NFATC1: variants seen among roughly 807,000 people sequenced by gnomAD.
NFATC1 encodes nuclear factor of activated T cells 1.
Under a neutral mutation model 76.0 loss-of-function variants are expected in NFATC1, and 22 were observed. That is an observed-to-expected ratio of 0.29 (90% CI 0.21 to 0.41). NFATC1 has a LOEUF of 0.41. Ranked by LOEUF, NFATC1 falls within the 10% of genes least tolerant of loss-of-function variation. The pLI, the probability that NFATC1 is intolerant of heterozygous loss-of-function variation, is 1.00. For synonymous variants in NFATC1, 704 were observed against 613.1 expected (o/e 1.15, Z -2.19); for missense variants, 1,357 against 1,337.7 (o/e 1.01, Z -0.23).
chr18:79,495,385 T>C (rs979121542), intron 9 of NFATC1, among the ~76,000 whole-genome samples: 4 of 152,256 alleles, frequency 2.6e-5, no homozygotes, highest in Admixed American at 1.3e-4. Flanking sequence ...GAAATATCAG[T>C]CTACAGTCCA....
At chr18:79,426,593 AG>A (rs1260337027) in intron 2 of NFATC1, among the ~76,000 whole-genome samples, 8 of 138,750 alleles carry the variant, frequency 5.8e-5, no homozygotes, top group Admixed American at 5.6e-4. Context: ...CCTCCATGGG[AG>A]CACCGTCCCC....
chr18:79,465,230 G>A lies in NFATC1; in HGVS notation c.1960-2220G>A, dbSNP rs2088415125. 6.6e-6 allele frequency among the ~76,000 whole-genome samples: 1 copy of A among 152,106 alleles called. No individual in the cohort carries two copies. The highest frequency in any genetic ancestry group is 1.5e-5 in the Non-Finnish European group (1 of 68,018). On this transcript the variant is annotated intron_variant, in intron 7 of 9. Coordinates refer to ENST00000427363, the MANE Select transcript of NFATC1 (RefSeq NM_001278669.2). The surrounding 1 kb of genome is among the most constrained non-coding windows in gnomAD (Gnocchi z 4.2). ...TCCTTCTGTGTGTATTTAAGTGGCA[G>A]TGCTCCCACGGAGATAGTATTTTTG... is the stretch of plus-strand genomic sequence containing the variant.
intron 9 of NFATC1, among the ~76,000 whole-genome samples, chr18:79,492,781 G>A (rs2089722396): frequency 6.6e-6 from 1 of 150,874 alleles, no homozygotes; most frequent in Non-Finnish European, 1.5e-5. Flanking sequence ...GGCTGAGGCA[G>A]GAGAATCACT....
chr18:79,457,401 G>C (rs557447832), intron 6 of NFATC1, among the ~76,000 whole-genome samples: 6 of 152,180 alleles, frequency 3.9e-5, no homozygotes, highest in Non-Finnish European at 7.3e-5. Flanking sequence ...CCTGGGCCCC[G>C]CTGGTGTGGG....
At chr18:79,502,136 T>A (rs1214126574) in intron 9 of NFATC1, among the ~76,000 whole-genome samples, 1 of 152,214 alleles carries the variant, frequency 6.6e-6, no homozygotes, top group Non-Finnish European at 1.5e-5. Flanking sequence ...ATCAAGACAG[T>A]GTGGTATTGG....
intron 9 of NFATC1, 138 bp downstream of exon 9, chr18:79,487,075 C>T (rs2089525990): frequency 2.9e-6 from 3 of 1,040,322 alleles, no homozygotes; most frequent in South Asian, 1.7e-5. Context: ...GGTGCGTCCT[C>T]CTGATATAAA....
At chr18:79,404,385 G>C (rs8091347) in intron 1 of NFATC1, among the ~76,000 whole-genome samples, 60,652 of 152,180 alleles carry the variant, frequency 0.4, 14,903 homozygotes, top group East Asian at 0.65. Flanking sequence ...GTCATGCCGC[G>C]GGCCTGACCA....
chr18:79,405,242 C>G (rs555768851), intron 1 of NFATC1, among the ~76,000 whole-genome samples: 40 of 152,328 alleles, frequency 2.6e-4, no homozygotes, highest in African/African-American at 8.4e-4. Context: ...TGAATGTGCT[C>G]TCCGCGATCA....
chr18:79,466,796 C>A (rs1351520211), intron 7 of NFATC1, among the ~76,000 whole-genome samples: 1 of 152,190 alleles, frequency 6.6e-6, no homozygotes, highest in African/African-American at 2.4e-5. Flanking sequence ...CACAGGCCCT[C>A]CCCAGAGACC....
chr18:79,430,469 G>A lies in NFATC1; in HGVS notation c.1227-3110G>A, dbSNP rs1256102778. On this transcript the variant is annotated intron_variant, in intron 2 of 9. Coordinates refer to ENST00000427363, the MANE Select transcript of NFATC1 (RefSeq NM_001278669.2). The stretch of plus-strand genomic sequence containing the variant: ...GCAATTTCGGCTCACTGCAGCCTCC[G>A]CCTCCCAGGTTCAAGCAATTCTCCT... 6.6e-5 allele frequency among the ~76,000 whole-genome samples: 10 copies of A among 152,124 alleles called. No individual in the cohort carries two copies. The East Asian group carries it at 9.6e-4, about 15-fold the overall frequency.
intron 8 of NFATC1, among the ~76,000 whole-genome samples, chr18:79,476,208 G>T (rs868017014): frequency 6.6e-6 from 1 of 152,220 alleles, no homozygotes; most frequent in African/African-American, 2.4e-5. Flanking sequence ...CGCCAGCCGC[G>T]CGCCTGGGAG....
intron 2 of NFATC1, among the ~76,000 whole-genome samples, chr18:79,430,103 G>A (rs1471654356): frequency 1.3e-5 from 2 of 152,216 alleles, no homozygotes; most frequent in African/African-American, 4.8e-5. Flanking sequence ...TTCCCACGAC[G>A]ACAAAATGGC....
rs1202486687 is a variant in NFATC1, at chr18:79,396,431, G to T, written c.127+80G>T. 73 of 967,534 alleles carry T rather than the reference G, an allele frequency of 7.5e-5. No individual in the cohort carries two copies. In the Middle Eastern group the frequency reaches 1.7e-3, roughly 23 times the overall value. 59.9% of individuals were successfully genotyped at this position (967,534 alleles called of 1,614,324 possible). On this transcript the variant is annotated intron_variant, in intron 1 of 9. Coordinates refer to ENST00000427363, the MANE Select transcript of NFATC1 (RefSeq NM_001278669.2). ...CGCGCCCCCCGACCCCGCCCCCGTC[G>T]CCCGCACGGAGGGGTCCGGGCCAGA...
intron 1 of NFATC1, chr18:79,400,428 T>C: frequency 8.0e-6 from 12 of 1,494,718 alleles, no homozygotes; most frequent in Non-Finnish European, 1.1e-5. Flanking sequence ...CGACTTCGAG[T>C]TCCTCTTCGA....
rs890424362 is a variant in NFATC1, at chr18:79,398,472, G to A, written c.127+2121G>A. On this transcript the variant is annotated intron_variant, in intron 1 of 9. Transcript: ENST00000427363. ...TGGAGACACCCAGTGTCTGTGGAACGGGCAGCTTTGAATCTGGACCAATAG... is the reference window on the plus strand; with the variant it reads ...TGGAGACACCCAGTGTCTGTGGAACAGGCAGCTTTGAATCTGGACCAATAG... Among the ~76,000 whole-genome samples the A allele has an allele frequency of 1.1e-4, 17 of 152,372 alleles. No homozygotes were observed. In the East Asian group the frequency reaches 3.1e-3, roughly 28 times the overall value.
intron 2 of NFATC1, among the ~76,000 whole-genome samples, chr18:79,427,385 C>T (rs1286720056): frequency 1.2e-5 from 1 of 85,896 alleles, no homozygotes; most frequent in African/African-American, 8.0e-5. Flanking sequence ...GGCCTCTGTG[C>T]AGTGGGTTGG....
Position 79,480,717 on chromosome 18 carries a change from C to T in NFATC1, c.2093-5531C>T, listed in dbSNP as rs537375116. On this transcript the variant is annotated intron_variant, in intron 8 of 9. Transcript: ENST00000427363. ...AGCCCCAGCGGCTCTCGGGCATAGC[C>T]GGCCTTGGCCCGTGGGGCGGCTGAT... Among the ~76,000 whole-genome samples, 62 of 152,330 alleles carry T rather than the reference C, an allele frequency of 4.1e-4. No homozygotes were observed. In the East Asian group the frequency reaches 9.7e-3, roughly 24 times the overall value.
intron 9 of NFATC1, chr18:79,527,308 C>T (rs921043463): frequency 1.3e-5 from 7 of 536,620 alleles, no homozygotes; most frequent in Admixed American, 6.3e-5. Context: ...GTGCTACGGA[C>T]GAGGGCGGTC....
At chr18:79,499,562 A>G (rs2089970507) in intron 9 of NFATC1, among the ~76,000 whole-genome samples, 1 of 152,264 alleles carries the variant, frequency 6.6e-6, no homozygotes, top group South Asian at 2.1e-4. Flanking sequence ...AAACACCCCA[A>G]TAAAAAGGTA....
Sources: allele counts gnomAD v4.1 joint callset (sites outside exome capture counted in the v4.1 genomes callset), GRCh38; gene constraint gnomAD v4.1.1; non-coding constraint Gnocchi (gnomAD v3.1); transcripts MANE v1.5; gene names NCBI Gene and HGNC (gene_info 2026-07-23, HGNC 2026-07-21).